The following SPSB3 variants were observed in gnomAD, a reference collection of about 807,000 sequenced individuals.
SPSB3 encodes the protein splA/ryanodine receptor domain and SOCS box containing 3, also known as SPRY domain-containing SOCS box protein 3.
Under a neutral mutation model 29.5 loss-of-function variants are expected in SPSB3, and 18 were observed. The ratio of observed to expected loss-of-function variants is 0.61; its 90% CI spans 0.42 to 0.91. The LOEUF is 0.91. SPSB3 is among the 40% of genes least tolerant of loss of function. The probability of loss-of-function intolerance (pLI) is 0.00; values close to 1 mark genes in which losing one functional copy is unlikely to be tolerated. For synonymous variants in SPSB3, 299 were observed against 214.1 expected, an observed-to-expected ratio of 1.40 and a Z score of -3.46; for missense variants, 540 against 507.5, an observed-to-expected ratio of 1.06 and a Z score of -0.61.
rs769547421 is a variant in SPSB3, at chr16:1,778,617, G to A, written c.127-5C>T. 1.5e-5 allele frequency: 23 copies of A among 1,541,936 alleles called. No individual in the cohort carries two copies. In the South Asian group the frequency reaches 2.7e-4, roughly 18 times the overall value. The stretch of plus-strand genomic sequence containing the variant: ...GTCGGAGTCCGAGTCGCTGTGCTGG[G>A]AGAGAAGGGCCGGCTGTTACTACCT... On this transcript the variant is annotated splice_polypyrimidine_tract_variant and splice_region_variant and intron_variant, in intron 2 of 6. Transcript: ENST00000566339.
In SPSB3 at chr16:1,776,856, C is replaced by G. The variant is rs769391358; in HGVS notation, c.*241G>C. The G allele has an allele frequency of 1.8e-6, 1 of 553,198 alleles. No homozygotes were observed. Among genetic ancestry groups the G allele is most frequent in the Non-Finnish European group, 3.2e-6 (1 of 315,586 alleles). The allele number at this position is 553,198 out of a possible 1,614,324, so 34.3% of individuals were successfully genotyped here. A position where few individuals can be genotyped will look rare whatever the true frequency, so the allele number is the denominator to read the frequency against. On this transcript the variant is annotated 3_prime_UTR_variant, in exon 7 of 7. Transcript: ENST00000566339. ...CGGGCTCCAGCCAGGCTCTCGTCCT[C>G]GCAGCCTCCCACAAGACCTGGGGCT...
In SPSB3 at chr16:1,777,276, C is replaced by A; in HGVS notation, c.889G>T (p.Glu297Ter). 1 of 1,610,546 alleles carries A rather than the reference C, an allele frequency of 6.2e-7. No individual in the cohort carries two copies. The highest frequency in any genetic ancestry group is 1.1e-5 in the South Asian group (1 of 91,080). ...AGGCCCGGCGGCAGCGGCAGACCCT[C>A]CAGCGTGTCTCCCGAGTCTGGCCGC... Reference protein sequence around the residue: ...QLRPDSGDTLEGLPLPPGLKQ... With the variant: ...QLRPDSGDTL The change falls in exon 7 of 7, where the codon GAG becomes TAG. Residue 297 changes from glutamate to a stop codon, truncating the protein, a stop_gained. Coordinates refer to ENST00000566339, the MANE Select transcript of SPSB3 (RefSeq NM_080861.4). LOFTEE classifies it low-confidence loss of function (END_TRUNC).
Position 1,777,006 on chromosome 16 carries a change from T to G in SPSB3, c.*91A>C. The G allele has an allele frequency of 6.9e-7, 1 of 1,455,894 alleles. No individual in the cohort carries two copies. The highest frequency in any genetic ancestry group is 1.4e-5 in the African/African-American group (1 of 71,458). The allele number at this position is 1,455,894 out of a possible 1,614,324, so 90.2% of individuals were successfully genotyped here. On this transcript the variant is annotated 3_prime_UTR_variant, in exon 7 of 7. Coordinates refer to ENST00000566339, the MANE Select transcript of SPSB3 (RefSeq NM_080861.4). ...GGACGGGCCTCATCCAACTCCGCCC[T>G]GGAGTGTGGCTGGAAGGAAGGGACA...
At chr16:1,781,566 C>T (rs1896713718) in intron 1 of SPSB3, 71 bp from the exon 2 acceptor site, 13 of 1,521,468 alleles carry the variant, frequency 8.5e-6, no homozygotes, top group Non-Finnish European at 1.2e-5. Context: ...CCAGGCTGGG[C>T]CACGGACCCA....
rs536556464 is a variant in SPSB3, at chr16:1,777,623, C to T, written c.721+124G>A. 6.2e-4 allele frequency: 925 copies of T among 1,497,390 alleles called. 3 individuals are homozygous for T. Among genetic ancestry groups the T allele is most frequent in the Non-Finnish European group, 4.5e-4 (501 of 1,113,940 alleles). The allele number at this position is 1,497,390 out of a possible 1,614,324, so 92.8% of individuals were successfully genotyped here. A position where few individuals can be genotyped will look rare whatever the true frequency, so the allele number is the denominator to read the frequency against. On this transcript the variant is annotated intron_variant, in intron 6 of 6. Coordinates refer to ENST00000566339, the MANE Select transcript of SPSB3 (RefSeq NM_080861.4). Reference sequence around the variant, plus strand: ...CCTCACTGTCCCACCCCCTGGGACCCTGGGGCCTCAGGCTTCTGGGAGGAA... The same window carrying T: ...CCTCACTGTCCCACCCCCTGGGACCTTGGGGCCTCAGGCTTCTGGGAGGAA...
rs748524574 is a variant in SPSB3, at chr16:1,778,523, G to C, written c.216C>G (p.Asp72Glu). 8.1e-6 allele frequency: 13 copies of C among 1,611,190 alleles called. No homozygotes were observed. The Admixed American group carries it at 1.5e-4, about 19-fold the overall frequency. ...AVPVTGESFC[D>E]CAGQSEASFC... ...AGGAGGCCTCGCTCTGCCCAGCACA[G>C]TCACAGAAGGACTCGCCGGTCACGG... Residue 72 changes from aspartate to glutamate, a missense_variant, in exon 3 of 7, where the codon GAC becomes GAG. Coordinates refer to ENST00000566339, the MANE Select transcript of SPSB3 (RefSeq NM_080861.4).
intron 2 of SPSB3, chr16:1,779,599 G>A (rs1298838319): frequency 6.6e-6 from 1 of 152,318 alleles, no homozygotes; most frequent in African/African-American, 2.4e-5. Context: ...CCACTGCCTA[G>A]AAGTGCGGGT....
chr16:1,781,413 G>A lies in SPSB3; in HGVS notation c.71C>T (p.Ala24Val). ...VLSAARRDAD[A>V]RAVALAGSTN... Reference sequence around the variant, plus strand: ...GGAGCCTGCTAGAGCCACGGCCCGGGCATCTGCGTCTCGGCGGGCTGCACT... The same window carrying A: ...GGAGCCTGCTAGAGCCACGGCCCGGACATCTGCGTCTCGGCGGGCTGCACT... The change falls in exon 2 of 7, where the codon GCC (alanine) becomes GTC (valine). Residue 24 changes from alanine to valine, a missense_variant. Ala to Val is a moderately conservative substitution (Grantham distance 64, BLOSUM62 0). Coordinates refer to ENST00000566339, the MANE Select transcript of SPSB3 (RefSeq NM_080861.4). 2 of 1,612,832 alleles carry A rather than the reference G, an allele frequency of 1.2e-6. No individual in the cohort carries two copies. Among genetic ancestry groups the A allele is most frequent in the Non-Finnish European group, 1.7e-6 (2 of 1,179,988 alleles).
At position 1,777,810 on chromosome 16, in the gene SPSB3, T is replaced by C. The variant is rs2042736233; in HGVS notation, c.658A>G (p.Ile220Val). The C allele has an allele frequency of 6.2e-7, 1 of 1,612,894 alleles. No homozygotes were observed. Among genetic ancestry groups the C allele is most frequent in the Non-Finnish European group, 8.5e-7 (1 of 1,179,890 alleles). Residue 220 changes from isoleucine to valine, a missense_variant, in exon 6 of 7, where the codon ATT becomes GTT. Coordinates refer to ENST00000566339, the MANE Select transcript of SPSB3 (RefSeq NM_080861.4). ...FSSRFGQGSI[I>V]GVHLDTWHGT... The stretch of plus-strand genomic sequence containing the variant: ...TGCCAGGTGTCCAGGTGCACGCCAA[T>C]GATGGAGCCCTGGCCGAACCGCGAT...
intron 1 of SPSB3, chr16:1,782,006 C>T (rs534579658): frequency 1.0e-4 from 18 of 179,316 alleles, no homozygotes; most frequent in Non-Finnish European, 1.6e-4. Flanking sequence ...ACCGCCAGGG[C>T]TCCTCGTGAA....
At chr16:1,778,097 AG>A (rs746449813) in intron 4 of SPSB3, 36 bp downstream of exon 4, 7 of 1,612,820 alleles carry the variant, frequency 4.3e-6, no homozygotes, top group Non-Finnish European at 5.9e-6. Flanking sequence ...TGCCGGAGCC[AG>A]GTTCCCCAGA....
rs1396629479 is a variant in SPSB3 at position 1,777,838 on chromosome 16, G to A, written c.630C>T (p.Phe210=). 6.2e-7 allele frequency: 1 copy of A among 1,612,846 alleles called. No homozygotes were observed. Among genetic ancestry groups the A allele is most frequent in the Non-Finnish European group, 8.5e-7 (1 of 1,179,858 alleles). ...LLHHKGDKTS[F]SSRFGQGSII... is the part of the protein sequence containing the mutation. ...TGGAGCCCTGGCCGAACCGCGATGA[G>A]AAGCTGGTCTTGTCGCCCTTGTGGT... The change falls in exon 6 of 7, where the codon TTC becomes TTT. Residue 210 remains phenylalanine, a synonymous_variant. Coordinates refer to ENST00000566339, the MANE Select transcript of SPSB3 (RefSeq NM_080861.4).
chr16:1,776,851 G>A lies in SPSB3; in HGVS notation c.*246C>T, dbSNP rs762586159. ...CAACGCGGGCTCCAGCCAGGCTCTC[G>A]TCCTCGCAGCCTCCCACAAGACCTG... On this transcript the variant is annotated 3_prime_UTR_variant, in exon 7 of 7. Transcript: ENST00000566339. 19 of 544,478 alleles carry A rather than the reference G, an allele frequency of 3.5e-5. No homozygotes were observed. The highest frequency in any genetic ancestry group is 5.1e-5 in the South Asian group (2 of 38,940). The allele number at this position is 544,478 out of a possible 1,614,324, so 33.7% of individuals were successfully genotyped here.
At chr16:1,780,915 TAGAGAC>T (rs1166136529) in intron 2 of SPSB3, 2 of 332,982 alleles carry the variant, frequency 6.0e-6, no homozygotes, top group African/African-American at 4.3e-5. Flanking sequence ...TAAATTTTTG[TAGAGAC>T]AGTGTTTCAC....
rs1463212082 is a variant in SPSB3, at chr16:1,776,912, A to G, written c.*185T>C. The G allele has an allele frequency of 1.5e-6, 1 of 680,404 alleles. No homozygotes were observed. The highest frequency in any genetic ancestry group is 1.8e-5 in the African/African-American group (1 of 55,160). The allele number at this position is 680,404 out of a possible 1,614,324, so 42.1% of individuals were successfully genotyped here. On this transcript the variant is annotated 3_prime_UTR_variant, in exon 7 of 7. Coordinates refer to ENST00000566339, the MANE Select transcript of SPSB3 (RefSeq NM_080861.4). ...CAGCCGCTTCCCCACCCAGCACAGC[A>G]GCAGAGGGGCCCTAGAGCCCCCACA... is the stretch of plus-strand genomic sequence containing the variant.
rs148205331 is a variant in SPSB3, at chr16:1,781,445, G to A, written c.39C>T (p.Phe13=). 13,193 of 1,612,766 alleles carry A rather than the reference G, an allele frequency of 8.2e-3. 68 individuals are homozygous for A. The highest frequency in any genetic ancestry group is 0.01 in the Non-Finnish European group (11,876 of 1,179,990). Residue 13 remains phenylalanine (F), a synonymous_variant, in exon 2 of 7, where the codon TTC becomes TTT. Transcript: ENST00000566339. ...RRPRNSRAWH[F]VLSAARRDAD... ...CGTCTCGGCGGGCTGCACTCAGGAC[G>A]AAGTGCCAGGCCCTGCTGTTCCGGG...
chr16:1,778,159 G>A lies in SPSB3; in HGVS notation c.467C>T (p.Thr156Ile), dbSNP rs894119818. The change falls in exon 4 of 7, where the codon ACC (threonine) becomes ATC (isoleucine). Residue 156 changes from threonine to isoleucine, a missense_variant. Physicochemically the swap from Thr to Ile is moderately conservative, Grantham distance 89. Coordinates refer to ENST00000566339, the MANE Select transcript of SPSB3 (RefSeq NM_080861.4). ...CATGTCGGTGCCGTAGACGGGAGAG[G>A]TCATCTTGATCTCCCAGAAGTGCTG... ...EGQHFWEIKM[T>I]SPVYGTDMMV... is the part of the protein sequence containing the mutation. 3.1e-6 allele frequency: 5 copies of A among 1,612,746 alleles called. No individual in the cohort carries two copies. Among genetic ancestry groups the A allele is most frequent in the South Asian group, 1.1e-5 (1 of 91,072 alleles).
chr16:1,777,969 T>A lies in SPSB3; in HGVS notation c.572A>T (p.Asp191Val). 1 of 1,612,946 alleles carries A rather than the reference T, an allele frequency of 6.2e-7. No individual in the cohort carries two copies. The highest frequency in any genetic ancestry group is 8.5e-7 in the Non-Finnish European group (1 of 1,179,908). The change falls in exon 5 of 7, where the codon GAC (aspartate) becomes GTC (valine). Residue 191 changes from aspartate to valine, a missense_variant. Asp to Val is a radical substitution (Grantham distance 152, BLOSUM62 -3). Transcript: ENST00000566339. ...ACCCGTGTAGGAGAGGCCCCAGCTG[T>A]CCTCATCCCTGCCCAGCAGGCTGCA... ...TFCSLLGRDEDSWGLSYTGLL... is the reference protein window; with the variant it reads ...TFCSLLGRDEVSWGLSYTGLL...
chr16:1,780,637 T>G, intron 2 of SPSB3: 1 of 157,636 alleles, frequency 6.3e-6, no homozygotes, highest in Non-Finnish European at 1.4e-5. Context: ...GAACAAAGAG[T>G]ATGCGTTTGT....
Sources: allele counts gnomAD v4.1 joint callset, GRCh38; gene constraint gnomAD v4.1.1; transcripts MANE v1.5; gene names NCBI Gene and HGNC (gene_info 2026-07-23, HGNC 2026-07-21).